C16orf96: variants seen among roughly 807,000 people sequenced by gnomAD.
C16orf96 encodes the protein uncharacterized protein C16orf96.
A neutral mutation model predicts 103.6 loss-of-function variants in C16orf96; 108 were observed. The observed-to-expected ratio is 1.04, with a 90% CI of 0.89 to 1.22. C16orf96 has a LOEUF of 1.22. Ranked by LOEUF, C16orf96 falls within the 50% of genes most tolerant of loss-of-function variation. C16orf96 has a pLI of 0.00. For missense variants in C16orf96, 1,586 were observed against 1,464.2 expected (o/e 1.08, Z -1.36); for synonymous variants, 566 against 593.5 (o/e 0.95, Z 0.67).
intron 1 of C16orf96, among the ~76,000 whole-genome samples, chr16:4,566,258 C>T (rs528668843): frequency 6.6e-6 from 1 of 152,308 alleles, no homozygotes; most frequent in Admixed American, 6.5e-5. Flanking sequence ...AACTGCCACA[C>T]TGACTTCTAA....
At chr16:4,565,998 A>G (rs1163798037) in intron 1 of C16orf96, among the ~76,000 whole-genome samples, 1 of 152,110 alleles carries the variant, frequency 6.6e-6, no homozygotes, top group Non-Finnish European at 1.5e-5. Flanking sequence ...GCTTGCCACC[A>G]TGCCTGGCTA....
At chr16:4,555,777 G>C (rs2059257610), upstream of C16orf96, among the ~76,000 whole-genome samples, 2 of 149,218 alleles carry the variant, frequency 1.3e-5, no homozygotes, top group African/African-American at 4.9e-5. Context: ...GCTCACTGTA[G>C]CCTCAAACTC....
At chr16:4,547,966 G>A in the C16orf96 span, among the ~76,000 whole-genome samples, 1 of 151,870 alleles carries the variant, frequency 6.6e-6, no homozygotes, top group East Asian at 1.9e-4. Flanking sequence ...GTAATGAAAT[G>A]TTCTAAAATT....
In C16orf96 at chr16:4,593,450, C is replaced by T. The variant is rs541954640; in HGVS notation, c.2867+134C>T. 2.1e-5 allele frequency: 18 copies of T among 866,822 alleles called. No homozygotes were observed. In the South Asian group the frequency reaches 2.2e-4, roughly 11 times the overall value. The allele number at this position is 866,822 out of a possible 1,614,324, so 53.7% of individuals were successfully genotyped here. A position where few individuals can be genotyped will look rare whatever the true frequency, so the allele number is the denominator to read the frequency against. On this transcript the variant is annotated intron_variant, in intron 12 of 15. Transcript: ENST00000444310. The surrounding 1 kb of genome is among the most constrained non-coding windows in gnomAD (Gnocchi z 4.2). The stretch of plus-strand genomic sequence containing the variant: ...ATTGTCCTGGACATGGCCAGCCCTT[C>T]GCAAGACAGGCACTCCGAGAGGTGG...
chr16:4,563,466 G>C (rs942440262), intron 1 of C16orf96, among the ~76,000 whole-genome samples: 3 of 152,178 alleles, frequency 2.0e-5, no homozygotes, highest in African/African-American at 7.2e-5. Context: ...TGTTCCCCAG[G>C]CTGGTCTCGA....
the C16orf96 span, among the ~76,000 whole-genome samples, chr16:4,549,163 C>T: frequency 3.9e-5 from 6 of 152,156 alleles, no homozygotes; most frequent in African/African-American, 1.4e-4. Flanking sequence ...CTCACTATTG[C>T]AACCAGCACC....
chr16:4,566,783 A>G (rs940115850), intron 1 of C16orf96, among the ~76,000 whole-genome samples: 1 of 152,102 alleles, frequency 6.6e-6, no homozygotes, highest in Non-Finnish European at 1.5e-5. Context: ...CCTAAATTAT[A>G]TAATTTGTCC....
chr16:4,600,240 T>G lies in C16orf96; in HGVS notation c.3349T>G (p.Ser1117Ala). ...SLRDPQQAPG[S>A]TRLSRAPHIE... is the part of the protein sequence containing the mutation. Reference sequence around the variant, plus strand: ...AAGGGACCCCCAGCAGGCCCCAGGGTCCACCAGGCTCTCAAGAGCTCCACA... The same window carrying G: ...AAGGGACCCCCAGCAGGCCCCAGGGGCCACCAGGCTCTCAAGAGCTCCACA... The change falls in exon 16 of 16, where the codon TCC becomes GCC. Residue 1117 changes from serine (S) to alanine (A), a missense_variant. Ser to Ala is a moderately conservative substitution (Grantham distance 99). Coordinates refer to ENST00000444310, the MANE Select transcript of C16orf96 (RefSeq NM_001145011.2). The G allele has an allele frequency of 1.3e-6, 2 of 1,551,160 alleles. No homozygotes were observed. Among genetic ancestry groups the G allele is most frequent in the Middle Eastern group, 1.7e-4 (1 of 5,984 alleles).
the C16orf96 span, among the ~76,000 whole-genome samples, chr16:4,540,566 C>G: frequency 2.0e-5 from 3 of 151,976 alleles, no homozygotes; most frequent in African/African-American, 7.2e-5. Flanking sequence ...AACCCCGTCT[C>G]TACTAAAAAT....
At chr16:4,583,187 G>C (rs1349907557) in intron 7 of C16orf96, among the ~76,000 whole-genome samples, 1 of 151,904 alleles carries the variant, frequency 6.6e-6, no homozygotes, top group East Asian at 1.9e-4. Flanking sequence ...GCAGTGAGCC[G>C]AGATTGTGTC....
rs75285777 is a variant in C16orf96 at position 4,587,041 on chromosome 16, T to C, written c.2355T>C (p.Thr785=). The C allele has an allele frequency of 5.4e-4, 833 of 1,551,338 alleles. No homozygotes were observed. The highest frequency in any genetic ancestry group is 7.0e-4 in the Non-Finnish European group (808 of 1,146,810). The change falls in exon 8 of 16, where the codon ACT becomes ACC. Residue 785 remains threonine, a splice_region_variant and synonymous_variant. Coordinates refer to ENST00000444310, the MANE Select transcript of C16orf96 (RefSeq NM_001145011.2). ...NLQIRMDEFK[T]LQAQIKRLEM... is the part of the protein sequence containing the mutation. ...CATGCCTGTGCTTCTGTTCTTAGAC[T>C]CTCCAGGCTCAAATCAAAAGACTGG...
chr16:4,593,268 G>C lies in C16orf96; in HGVS notation c.2819G>C (p.Arg940Pro). The C allele has an allele frequency of 1.3e-6, 2 of 1,551,008 alleles. No individual in the cohort carries two copies. The highest frequency in any genetic ancestry group is 3.3e-4 in the Middle Eastern group (2 of 5,990). Reference sequence around the variant, plus strand: ...AAAGCCCACCTGCTGTCCCGGCTGCGGCCAGCCAGCGCCAACAGCTGCGAG... The same window carrying C: ...AAAGCCCACCTGCTGTCCCGGCTGCCGCCAGCCAGCGCCAACAGCTGCGAG... ...IRKAHLLSRLRPASANSCEYL... is the reference protein window; with the variant it reads ...IRKAHLLSRLPPASANSCEYL... Residue 940 changes from arginine to proline, a missense_variant, in exon 12 of 16, where the codon CGG (arginine) becomes CCG (proline). Arg to Pro is a moderately radical substitution (Grantham distance 103, BLOSUM62 -2). Coordinates refer to ENST00000444310, the MANE Select transcript of C16orf96 (RefSeq NM_001145011.2). This position sits in a 1 kb window ranked among gnomAD's most constrained non-coding sequence, Gnocchi z 4.2.
chr16:4,560,441 C>T (rs1029183325), intron 1 of C16orf96: 1 of 152,072 alleles, frequency 6.6e-6, no homozygotes, highest in Non-Finnish European at 1.5e-5. Flanking sequence ...ACCTCGTGAT[C>T]CACCCGCCTT....
chr16:4,557,555 G>A (rs1451998908), intron 1 of C16orf96, among the ~76,000 whole-genome samples: 1 of 152,140 alleles, frequency 6.6e-6, no homozygotes, highest in Admixed American at 6.6e-5. Flanking sequence ...TTTCCTTTTG[G>A]GGTGATGAAA....
the C16orf96 span, among the ~76,000 whole-genome samples, chr16:4,541,489 C>T: frequency 9.6e-4 from 146 of 152,214 alleles, no homozygotes; most frequent in African/African-American, 3.4e-3. Flanking sequence ...TGGGAGGATC[C>T]CTTCAGCCCA....
Position 4,579,715 on chromosome 16 carries a change from A to G in C16orf96, c.2242-300A>G, listed in dbSNP as rs538744209. ...CAACCTCTGCCTCCTGGGTTCAAGC[A>G]ATTCTCCTGCCTCAGCCTCCCTAGT... On this transcript the variant is annotated intron_variant, in intron 6 of 15. Coordinates refer to ENST00000444310, the MANE Select transcript of C16orf96 (RefSeq NM_001145011.2). Among the ~76,000 whole-genome samples, 223 of 151,670 alleles carry G rather than the reference A, an allele frequency of 1.5e-3. 1 individual carries two copies. The highest frequency in any genetic ancestry group is 5.1e-3 in the African/African-American group (209 of 41,326).
chr16:4,588,975 C>T (rs540649221), intron 9 of C16orf96, among the ~76,000 whole-genome samples: 18 of 152,222 alleles, frequency 1.2e-4, no homozygotes, highest in Admixed American at 9.8e-4. Context: ...CCAACTGTTC[C>T]AGTCTACTAT....
chr16:4,574,284 G>A (rs537359424), intron 2 of C16orf96, among the ~76,000 whole-genome samples: 12 of 151,078 alleles, frequency 7.9e-5, no homozygotes, highest in East Asian at 7.9e-4. Context: ...GTGCAGTGGC[G>A]CCATCTCAGC....
In C16orf96 at chr16:4,593,451, G is replaced by A. The variant is rs6500619; in HGVS notation, c.2867+135G>A. On this transcript the variant is annotated intron_variant, in intron 12 of 15. Transcript: ENST00000444310. The surrounding 1 kb of genome is among the most constrained non-coding windows in gnomAD (Gnocchi z 4.2). ...TTGTCCTGGACATGGCCAGCCCTTCGCAAGACAGGCACTCCGAGAGGTGGC... is the reference window on the plus strand; with the variant it reads ...TTGTCCTGGACATGGCCAGCCCTTCACAAGACAGGCACTCCGAGAGGTGGC... 638,602 of 838,352 alleles carry A rather than the reference G, an allele frequency of 0.76. 249,629 individuals carry two copies. The highest frequency in any genetic ancestry group is 0.9 in the East Asian group (32,663 of 36,462). The allele number at this position is 838,352 out of a possible 1,614,324, so 51.9% of individuals were successfully genotyped here. A position where few individuals can be genotyped will look rare whatever the true frequency, so the allele number is the denominator to read the frequency against.
Sources: allele counts gnomAD v4.1 joint callset (sites outside exome capture counted in the v4.1 genomes callset), GRCh38; gene constraint gnomAD v4.1.1; non-coding constraint Gnocchi (gnomAD v3.1); transcripts MANE v1.5; gene names NCBI Gene and HGNC (gene_info 2026-07-23, HGNC 2026-07-21).